NUDT8: variants seen among roughly 807,000 people sequenced by gnomAD.
NUDT8 encodes the protein nudix hydrolase 8.
Under a neutral mutation model 12.5 loss-of-function variants are expected in NUDT8, and 14 were observed. That is an observed-to-expected ratio of 1.12 (90% CI 0.74 to 1.75). The LOEUF (loss-of-function observed/expected upper bound fraction) is 1.75. Ranked by LOEUF, NUDT8 falls within the 40% of genes most tolerant of loss-of-function variation. The pLI, the probability that NUDT8 is intolerant of heterozygous loss-of-function variation, is 0.00. For synonymous variants in NUDT8, 163 were observed against 156.2 expected (o/e 1.04, Z -0.33); for missense variants, 337 against 318.5 (o/e 1.06, Z -0.44).
At chr11:67,629,516 C>A in intron 1 of NUDT8, 1 of 402,002 alleles carries the variant, frequency 2.5e-6, no homozygotes, top group South Asian at 7.6e-5. Context: ...GAGGACGTGG[C>A]GCCCCGGCAG....
Position 67,629,779 on chromosome 11 carries a change from G to C in NUDT8, c.133C>G (p.Pro45Ala). The stretch of plus-strand genomic sequence containing the variant: ...GACCGCAGCGTGTACAGCAGCGCCG[G>C]GACCCCACGCACTGAGCAGAGCGGC... ...LVPLCSVRGV[P>A]ALLYTLRSSR... Residue 45 changes from proline to alanine, a missense_variant, in exon 1 of 4, where the codon CCG (proline) becomes GCG (alanine). Transcript: ENST00000376693. 2.0e-6 allele frequency: 3 copies of C among 1,535,976 alleles called. No homozygotes were observed. Among genetic ancestry groups the C allele is most frequent in the Non-Finnish European group, 1.7e-6 (2 of 1,149,842 alleles).
chr11:67,628,480 C>A lies in NUDT8; in HGVS notation c.328-80G>T, dbSNP rs1309635997. 3.2e-6 allele frequency: 4 copies of A among 1,258,790 alleles called. No individual in the cohort carries two copies. In the East Asian group the frequency reaches 9.7e-5, roughly 31 times the overall value. The allele number at this position is 1,258,790 out of a possible 1,614,324, so 78.0% of individuals were successfully genotyped here. A position where few individuals can be genotyped will look rare whatever the true frequency, so the allele number is the denominator to read the frequency against. ...TGGGGAGGGGAGTGTGAGAGGAAGA[C>A]CCCTTTGCCATGCATAGGCCTTTGG... On this transcript the variant is annotated intron_variant, in intron 2 of 3. Transcript: ENST00000376693.
Position 67,628,149 on chromosome 11 carries a change from C to T in NUDT8, c.508G>A (p.Val170Ile), listed in dbSNP as rs758131444. 4.2e-5 allele frequency: 67 copies of T among 1,601,732 alleles called. No homozygotes were observed. The highest frequency in any genetic ancestry group is 5.3e-5 in the African/African-American group (4 of 74,924). Residue 170 changes from valine to isoleucine, a missense_variant, in exon 4 of 4, where the codon GTC (valine) becomes ATC (isoleucine). By Grantham distance (29) the Val-to-Ile change is conservative. Transcript: ENST00000376693. The part of the protein sequence containing the change: ...RGGHFRYTLP[V>I]FLHGPHRVWG... ...ACCCGGTGTGGTCCATGCAGGAAGA[C>T]GGGTAGTGTGTAGCGGAAGTGGCCA...
Position 67,628,050 on chromosome 11 carries a change from C to G in NUDT8, c.607G>C (p.Ala203Pro), listed in dbSNP as rs754567784. Residue 203 changes from alanine to proline, a missense_variant, in exon 4 of 4, where the codon GCC becomes CCC. Coordinates refer to ENST00000376693, the MANE Select transcript of NUDT8 (RefSeq NM_001243750.2). ...LAPGTYQPRLAGLTCSGAEGL... is the reference protein window; with the variant it reads ...LAPGTYQPRLPGLTCSGAEGL... ...TCAGCCCCTGAGCAGGTCAGGCCGG[C>G]CAGGCGGGGCTGGTAGGTACCAGGT... The G allele has an allele frequency of 3.8e-6, 6 of 1,598,268 alleles. No individual in the cohort carries two copies. In the African/African-American group the frequency reaches 8.0e-5, roughly 21 times the overall value.
chr11:67,628,221 G>A lies in NUDT8; in HGVS notation c.436C>T (p.His146Tyr). The A allele has an allele frequency of 6.2e-7, 1 of 1,612,694 alleles. No homozygotes were observed. Among genetic ancestry groups the A allele is most frequent in the South Asian group, 1.1e-5 (1 of 91,074 alleles). ...VDEVFALPLAHLLQTQNQGYT... is the reference protein window; with the variant it reads ...VDEVFALPLAYLLQTQNQGYT... ...CCCTGATTCTGCGTCTGCAGCAGGTGGGCCAGCGGCAGTGCAAACACCTCA... is the reference window on the plus strand; with the variant it reads ...CCCTGATTCTGCGTCTGCAGCAGGTAGGCCAGCGGCAGTGCAAACACCTCA... The change falls in exon 4 of 4, where the codon CAC becomes TAC. Residue 146 changes from histidine to tyrosine, a missense_variant. Transcript: ENST00000376693.
intron 1 of NUDT8, 197 bp downstream of exon 1, chr11:67,629,521 C>T: frequency 2.5e-6 from 1 of 403,016 alleles, no homozygotes; most frequent in Admixed American, 4.4e-5. Flanking sequence ...CGTGGCGCCC[C>T]GGCAGGTGCA....
At chr11:67,628,799 C>T in intron 2 of NUDT8, 120 bp downstream of exon 2, 1 of 1,327,254 alleles carries the variant, frequency 7.5e-7, no homozygotes, top group South Asian at 1.4e-5. Context: ...GTTAGGGGCA[C>T]CCTTCCACAC....
At position 67,629,251 on chromosome 11, in the gene NUDT8, C is replaced by T. The variant is rs988710726; in HGVS notation, c.195-200G>A. On this transcript the variant is annotated intron_variant, in intron 1 of 3. Transcript: ENST00000376693. ...GCAATGGGGATAAGGAAGAGAGGCC[C>T]GGGACAGCGCAGGATAAGAGGGTCT... 1.6e-5 allele frequency: 9 copies of T among 566,508 alleles called. No homozygotes were observed. The East Asian group carries it at 1.8e-4, about 11-fold the overall frequency. 35.1% of individuals were successfully genotyped at this position (566,508 alleles called of 1,614,324 possible). A position where few individuals can be genotyped will look rare whatever the true frequency, so the allele number is the denominator to read the frequency against.
intron 2 of NUDT8, among the ~76,000 whole-genome samples, 171 bp downstream of exon 2, chr11:67,628,748 T>C (rs61894499): frequency 0.14 from 20,870 of 152,186 alleles, 1,681 homozygotes; most frequent in African/African-American, 0.23. Flanking sequence ...CCCCAATCCC[T>C]TCCCGAGGGG....
rs1855179433 is a variant in NUDT8 at position 67,629,775 on chromosome 11, G to A, written c.137C>T (p.Ala46Val). The stretch of plus-strand genomic sequence containing the variant: ...GCTGGACCGCAGCGTGTACAGCAGC[G>A]CCGGGACCCCACGCACTGAGCAGAG... ...VPLCSVRGVP[A>V]LLYTLRSSRL... is the part of the protein sequence containing the mutation. The change falls in exon 1 of 4, where the codon GCG (alanine) becomes GTG (valine). Residue 46 changes from alanine (A) to valine (V), a missense_variant. Transcript: ENST00000376693. 1.3e-6 allele frequency: 2 copies of A among 1,537,682 alleles called. No individual in the cohort carries two copies. Among genetic ancestry groups the A allele is most frequent in the Non-Finnish European group, 1.7e-6 (2 of 1,150,506 alleles).
Position 67,628,338 on chromosome 11 carries a change from C to T in NUDT8, c.390G>A (p.Arg130=), listed in dbSNP as rs760370325. The change falls in exon 3 of 4, where the codon AGG becomes AGA. Residue 130 remains arginine (R), a synonymous_variant. Coordinates refer to ENST00000376693, the MANE Select transcript of NUDT8 (RefSeq NM_001243750.2). ...CCCAGCTCACCTCCTCCGAGTTGGG[C>T]CTGAGGCTCTGGGGATCCAGTGGGC... The part of the protein sequence containing the change: ...GVGPLDPQSL[R]PNSEEVDEVF... 4.3e-5 allele frequency: 70 copies of T among 1,613,828 alleles called. No homozygotes were observed. The highest frequency in any genetic ancestry group is 6.7e-5 in the Admixed American group (4 of 59,998).
At position 67,629,787 on chromosome 11, in the gene NUDT8, C is replaced by G; in HGVS notation, c.125G>C (p.Arg42Pro). ...AAVLVPLCSVRGVPALLYTLR... is the reference protein window; with the variant it reads ...AAVLVPLCSVPGVPALLYTLR... ...CGTGTACAGCAGCGCCGGGACCCCA[C>G]GCACTGAGCAGAGCGGCACGAGCAC... Residue 42 changes from arginine (R) to proline (P), a missense_variant, in exon 1 of 4, where the codon CGT becomes CCT. By Grantham distance (103) the Arg-to-Pro change is moderately radical. Coordinates refer to ENST00000376693, the MANE Select transcript of NUDT8 (RefSeq NM_001243750.2). 1 of 1,523,444 alleles carries G rather than the reference C, an allele frequency of 6.6e-7. No individual in the cohort carries two copies. Among genetic ancestry groups the G allele is most frequent in the Non-Finnish European group, 8.7e-7 (1 of 1,143,404 alleles). The allele number at this position is 1,523,444 out of a possible 1,614,324, so 94.4% of individuals were successfully genotyped here.
Position 67,629,898 on chromosome 11 carries a change from C to T in NUDT8, c.14G>A (p.Cys5Tyr). 1 of 1,237,136 alleles carries T rather than the reference C, an allele frequency of 8.1e-7. No individual in the cohort carries two copies. Among genetic ancestry groups the T allele is most frequent in the Non-Finnish European group, 1.0e-6 (1 of 994,434 alleles). 76.6% of individuals were successfully genotyped at this position (1,237,136 alleles called of 1,614,324 possible). A position where few individuals can be genotyped will look rare whatever the true frequency, so the allele number is the denominator to read the frequency against. ...GCGCAGCTCGCCCTCGGCCGACAGGCAGTCGGGCAGCATGTCAAGTCCTGC... is the reference window on the plus strand; with the variant it reads ...GCGCAGCTCGCCCTCGGCCGACAGGTAGTCGGGCAGCATGTCAAGTCCTGC... MLPD[C>Y]LSAEGELRCR... The change falls in exon 1 of 4, where the codon TGC becomes TAC. Residue 5 changes from cysteine to tyrosine, a missense_variant. Cys to Tyr is a radical substitution (Grantham distance 194). Transcript: ENST00000376693.
chr11:67,628,270 G>C lies in NUDT8; in HGVS notation c.406-19C>G, dbSNP rs1264875516. 2.5e-6 allele frequency: 4 copies of C among 1,613,442 alleles called. No homozygotes were observed. The highest frequency in any genetic ancestry group is 3.3e-4 in the Middle Eastern group (2 of 6,058). ...CATCTACCTGCAGGCAGGAGGCAGA[G>C]AGGGTAGACAGAGGACTGGAACAGC... On this transcript the variant is annotated intron_variant, in intron 3 of 3. Coordinates refer to ENST00000376693, the MANE Select transcript of NUDT8 (RefSeq NM_001243750.2).
At chr11:67,629,629 G>C in intron 1 of NUDT8, 89 bp downstream of exon 1, 5 of 681,590 alleles carry the variant, frequency 7.3e-6, no homozygotes, top group Non-Finnish European at 1.1e-5. Flanking sequence ...ACCGAGGCTC[G>C]AAGGGGCTAA....
chr11:67,628,831 G>T, intron 2 of NUDT8, 88 bp downstream of exon 2: 1 of 1,497,872 alleles, frequency 6.7e-7, no homozygotes, highest in South Asian at 1.3e-5. Flanking sequence ...GGGGGTCCAT[G>T]ACCACTCTCC....
rs1158328183 is a variant in NUDT8 at position 67,629,568 on chromosome 11, G to A, written c.194+150C>T. The A allele has an allele frequency of 1.2e-5, 5 of 425,926 alleles. No homozygotes were observed. In the South Asian group the frequency reaches 2.3e-4, roughly 19 times the overall value. The allele number at this position is 425,926 out of a possible 1,614,324, so 26.4% of individuals were successfully genotyped here. A position where few individuals can be genotyped will look rare whatever the true frequency, so the allele number is the denominator to read the frequency against. On this transcript the variant is annotated intron_variant, in intron 1 of 3. Transcript: ENST00000376693. ...GGACACGGATCGCTGACCTCTCGCT[G>A]CAGCCCTTGGGCGGAGGGACTCTCC...
intron 1 of NUDT8, chr11:67,629,501 G>A (rs1855172930): frequency 5.0e-6 from 2 of 403,334 alleles, no homozygotes; most frequent in Non-Finnish European, 8.8e-6. Flanking sequence ...AGGGGCCCAC[G>A]CGGCGAGGAC....
rs751182212 is a variant in NUDT8, at chr11:67,628,236, C to T, written c.421G>A (p.Ala141Thr). Reference sequence around the variant, plus strand: ...TGCAGCAGGTGGGCCAGCGGCAGTGCAAACACCTCATCTACCTGCAGGCAG... The same window carrying T: ...TGCAGCAGGTGGGCCAGCGGCAGTGTAAACACCTCATCTACCTGCAGGCAG... ...PNSEEVDEVF[A>T]LPLAHLLQTQ... is the part of the protein sequence containing the mutation. The change falls in exon 4 of 4, where the codon GCA becomes ACA. Residue 141 changes from alanine to threonine, a missense_variant. Physicochemically the swap from Ala to Thr is moderately conservative, Grantham distance 58. Coordinates refer to ENST00000376693, the MANE Select transcript of NUDT8 (RefSeq NM_001243750.2). 1.9e-6 allele frequency: 3 copies of T among 1,612,980 alleles called. No individual in the cohort carries two copies. Among genetic ancestry groups the T allele is most frequent in the Non-Finnish European group, 2.5e-6 (3 of 1,179,762 alleles).
Sources: allele counts gnomAD v4.1 joint callset (sites outside exome capture counted in the v4.1 genomes callset), GRCh38; gene constraint gnomAD v4.1.1; transcripts MANE v1.5; gene names NCBI Gene and HGNC (gene_info 2026-07-23, HGNC 2026-07-21).